Variants in MLIP observed in about 807,000 individuals in gnomAD.
MLIP encodes the protein muscular LMNA interacting protein.
MLIP carries 79 observed loss-of-function variants against 84.8 expected under a neutral mutation model. That is an observed-to-expected ratio of 0.93 (90% CI 0.78 to 1.12). The LOEUF is 1.12. Among genes scored for constraint, MLIP ranks in the 50% most tolerant of loss-of-function variants. MLIP has a pLI of 0.00. For synonymous variants in MLIP, 504 were observed against 463.0 expected (o/e 1.09, Z -1.14); for missense variants, 1,257 against 1,160.6 (o/e 1.08, Z -1.21).
chr6:54,112,645 C>G (rs1386386548), intron 1 of MLIP, among the ~76,000 whole-genome samples: 3 of 147,860 alleles, frequency 2.0e-5, no homozygotes, highest in African/African-American at 7.6e-5. Flanking sequence ...GGAATCACAT[C>G]ATGTACTGGT....
chr6:54,083,937 C>CT (rs1360913549), intron 1 of MLIP, among the ~76,000 whole-genome samples: 1 of 151,986 alleles, frequency 6.6e-6, no homozygotes, highest in African/African-American at 2.4e-5. Flanking sequence ...TAAGCTGCTA[C>CT]TTTTTAGGAC....
At chr6:54,213,439 C>T (rs1353906865) in intron 11 of MLIP, among the ~76,000 whole-genome samples, 4 of 152,066 alleles carry the variant, frequency 2.6e-5, no homozygotes, top group East Asian at 1.9e-4. Context: ...TGGTGGCTCA[C>T]GCCTGTAATC....
intron 1 of MLIP, among the ~76,000 whole-genome samples, chr6:54,117,334 C>G (rs1561945053): frequency 6.6e-6 from 1 of 151,074 alleles, no homozygotes; most frequent in Admixed American, 6.6e-5. Context: ...CCTGCCTCAG[C>G]CTCCCAAGTA....
chr6:54,059,183 C>T (rs1290993496), intron 1 of MLIP, among the ~76,000 whole-genome samples: 1 of 152,146 alleles, frequency 6.6e-6, no homozygotes, highest in Non-Finnish European at 1.5e-5. Flanking sequence ...CCTTTCTTCC[C>T]CATATTCCTT....
rs1190172255 is a variant in MLIP, at chr6:54,202,744, A to AT, written c.2718+511_2718+512insT. Among the ~76,000 whole-genome samples the AT allele has an allele frequency of 6.6e-5, 10 of 152,260 alleles. No individual in the cohort carries two copies. The East Asian group carries it at 9.7e-4, about 15-fold the overall frequency. ...CCCATCTCTACAACAAATTAAAAAA[A>AT]ATATATAGCTGGGTATGGTGGCGTG... On this transcript the variant is annotated intron_variant, in intron 11 of 13. Coordinates refer to ENST00000502396, the MANE Select transcript of MLIP (RefSeq NM_001281747.2).
intron 4 of MLIP, among the ~76,000 whole-genome samples, chr6:54,145,456 A>C (rs973297464): frequency 2.6e-5 from 4 of 152,024 alleles, no homozygotes; most frequent in Non-Finnish European, 5.9e-5. Flanking sequence ...GGAGTAGTGC[A>C]TGTCATGTAG....
chr6:54,224,753 A>T (rs940552785), intron 11 of MLIP, among the ~76,000 whole-genome samples: 13 of 151,222 alleles, frequency 8.6e-5, no homozygotes, highest in African/African-American at 3.2e-4. Flanking sequence ...CTTCCCCCCA[A>T]GTCCCCAAAG....
At chr6:54,146,355 C>T (rs1178229681) in intron 4 of MLIP, among the ~76,000 whole-genome samples, 1 of 152,184 alleles carries the variant, frequency 6.6e-6, no homozygotes, top group East Asian at 1.9e-4. Context: ...AAAAACACAT[C>T]TATTAAACGC....
At chr6:54,067,057 A>G (rs1457080205) in intron 1 of MLIP, among the ~76,000 whole-genome samples, 1 of 100,740 alleles carries the variant, frequency 9.9e-6, no homozygotes, top group African/African-American at 2.5e-5. Context: ...TGCCTTTATC[A>G]GTTGCATTGA....
At chr6:54,244,087 AAG>A (rs1197786913) in intron 12 of MLIP, among the ~76,000 whole-genome samples, 2 of 152,096 alleles carry the variant, frequency 1.3e-5, no homozygotes, top group African/African-American at 2.4e-5. Context: ...TTATTGAAAA[AAG>A]TCATCTTGAA....
chr6:54,086,181 C>A (rs1297443280), intron 1 of MLIP, among the ~76,000 whole-genome samples: 1 of 152,148 alleles, frequency 6.6e-6, no homozygotes, highest in Non-Finnish European at 1.5e-5. Context: ...CTAGGTAATA[C>A]GATTCAATCT....
rs188878543 is a variant in MLIP at position 54,124,707 on chromosome 6, G to A, written c.487G>A (p.Gly163Arg). ...ASRKVEQGPPGGIGTAAVRPK... is the reference protein window; with the variant it reads ...ASRKVEQGPPRGIGTAAVRPK... ...CAGAAAAGTTGAACAAGGCCCCCCA[G>A]GGGGGATTGGCACCGCAGCTGTCCG... The change falls in exon 3 of 14, where the codon GGG becomes AGG. Residue 163 changes from glycine to arginine, a missense_variant. Coordinates refer to ENST00000502396, the MANE Select transcript of MLIP (RefSeq NM_001281747.2). 1.6e-4 allele frequency: 257 copies of A among 1,614,142 alleles called. 2 individuals carry two copies. In the East Asian group the frequency reaches 5.6e-3, roughly 35 times the overall value.
intron 10 of MLIP, among the ~76,000 whole-genome samples, chr6:54,192,539 A>G (rs1017176061): frequency 9.2e-5 from 14 of 151,952 alleles, no homozygotes; most frequent in Non-Finnish European, 1.9e-4. Context: ...TGAATTTTCA[A>G]TATTTGCCAT....
intron 1 of MLIP, among the ~76,000 whole-genome samples, chr6:54,059,734 A>T (rs762750971): frequency 2.6e-5 from 4 of 152,000 alleles, no homozygotes; most frequent in Non-Finnish European, 4.4e-5. Flanking sequence ...AAAGGTTAGA[A>T]TTTTTTTTAA....
At chr6:54,192,258 G>T (rs1777990008) in intron 10 of MLIP, among the ~76,000 whole-genome samples, 1 of 151,572 alleles carries the variant, frequency 6.6e-6, no homozygotes, top group African/African-American at 2.4e-5. Flanking sequence ...TTGAGATACA[G>T]GTAGGTTTGT....
At chr6:54,240,322 C>T (rs886761499) in intron 12 of MLIP, among the ~76,000 whole-genome samples, 1 of 152,144 alleles carries the variant, frequency 6.6e-6, no homozygotes, top group Admixed American at 6.5e-5. Flanking sequence ...GGCCATTACT[C>T]TCATCTTAAA....
In MLIP at chr6:54,225,768, A is replaced by G. The variant is rs9382310; in HGVS notation, c.2719-4946A>G. Among the ~76,000 whole-genome samples, 436 of 152,326 alleles carry G rather than the reference A, an allele frequency of 2.9e-3. 7 individuals are homozygous for G. The highest frequency in any genetic ancestry group is 0.022 in the South Asian group (104 of 4,828). On this transcript the variant is annotated intron_variant, in intron 11 of 13. Transcript: ENST00000502396. ...AGTGCCATCTTTATTAAATAAACAA[A>G]ACAGAACCCTTAAGGACTTTCAGTA... is the stretch of plus-strand genomic sequence containing the variant.
At position 54,186,848 on chromosome 6, in the gene MLIP, T is replaced by A. The variant is rs543556223; in HGVS notation, c.2545-3022T>A. Reference sequence around the variant, plus strand: ...CCTGACCATATCAAGGTTAGAATACTAAAAAGAACCTAAAGTTCTTGTAGA... The same window carrying A: ...CCTGACCATATCAAGGTTAGAATACAAAAAAGAACCTAAAGTTCTTGTAGA... On this transcript the variant is annotated intron_variant, in intron 9 of 13. Transcript: ENST00000502396. Among the ~76,000 whole-genome samples, 3 of 152,206 alleles carry A rather than the reference T, an allele frequency of 2.0e-5. No homozygotes were observed. The South Asian group carries it at 6.2e-4, about 32-fold the overall frequency.
intron 12 of MLIP, among the ~76,000 whole-genome samples, chr6:54,239,826 G>T (rs1180524911): frequency 6.6e-6 from 1 of 151,648 alleles, no homozygotes; most frequent in Non-Finnish European, 1.5e-5. Flanking sequence ...AAAATAAAGT[G>T]TTTTGAAAAT....
Sources: gnomAD v4.1 joint callset for allele counts (sites outside exome capture counted in the v4.1 genomes callset) on GRCh38, gnomAD v4.1.1 for gene constraint, MANE v1.5 for transcripts, NCBI Gene and HGNC (gene_info 2026-07-23, HGNC 2026-07-21) for gene names.